SERPINB7: variants seen among roughly 807,000 people sequenced by gnomAD.
SERPINB7 encodes serpin family B member 7.
In SERPINB7, 31 loss-of-function variants were observed where a neutral mutation model predicts 37.4. That is an observed-to-expected ratio of 0.83 (90% CI 0.62 to 1.12). The LOEUF is 1.12. Ranked by LOEUF, SERPINB7 falls within the 50% of genes most tolerant of loss-of-function variation. The pLI is 0.00. For synonymous variants in SERPINB7, 163 were observed against 166.1 expected, an observed-to-expected ratio of 0.98 and a Z score of 0.14; for missense variants, 521 against 455.3, an observed-to-expected ratio of 1.14 and a Z score of -1.31.
rs1401994868 is a variant in SERPINB7, at chr18:63,804,534, C to T, written c.1042C>T (p.Gln348Ter). The stretch of plus-strand genomic sequence containing the variant: ...CACAGGAAGTAATATTGTAGAAAAG[C>T]AACTCCCTCAGTCCACGCTGTTTAG... ...AATGSNIVEK[Q>*]LPQSTLFRAD... The change falls in exon 8 of 8, where the codon CAA (glutamine) becomes TAA (stop). Residue 348 changes from glutamine to a stop codon, truncating the protein, a stop_gained. Transcript: ENST00000398019. LOFTEE classifies it high-confidence loss of function. The T allele has an allele frequency of 4.3e-6, 7 of 1,613,670 alleles. No homozygotes were observed. Among genetic ancestry groups the T allele is most frequent in the Non-Finnish European group, 5.9e-6 (7 of 1,179,874 alleles).
intron 1 of SERPINB7, among the ~76,000 whole-genome samples, chr18:63,778,456 A>G (rs1012605315): frequency 9.9e-5 from 15 of 152,240 alleles, no homozygotes; most frequent in South Asian, 8.3e-4. Flanking sequence ...TTTTTAAAAA[A>G]TAATGTGTCA....
At position 63,756,092 on chromosome 18, in the gene SERPINB7, T is replaced by TAC. The variant is rs5825530; in HGVS notation, c.-19+2997_-19+2998dup. Reference sequence around the variant, plus strand: ...TAATATAAATATTATATATAGGGTTTACACACACACACACACACACACACA... The same window carrying TAC: ...TAATATAAATATTATATATAGGGTTTACACACACACACACACACACACACACA... On this transcript the variant is annotated intron_variant, in intron 1 of 7. Coordinates refer to the SERPINB7 transcript ENST00000336429. 6.4e-3 allele frequency among the ~76,000 whole-genome samples: 946 copies of TAC among 148,792 alleles called. 7 individuals are homozygous for TAC. Among genetic ancestry groups the TAC allele is most frequent in the South Asian group, 0.014 (63 of 4,640 alleles).
chr18:63,769,742 A>G (rs1200759002), intron 1 of SERPINB7, among the ~76,000 whole-genome samples: 1 of 152,120 alleles, frequency 6.6e-6, no homozygotes, highest in East Asian at 1.9e-4. Flanking sequence ...AATTTAGTCA[A>G]CAAAGCTTTT....
Position 63,805,276 on chromosome 18 carries a change from A to T in SERPINB7, c.*641A>T, listed in dbSNP as rs1244448008. ...TTTTTTCAAATATTAAAGATCTTTT[A>T]ACTGTTGGCAGTTGTTATCTACAGA... is the stretch of plus-strand genomic sequence containing the variant. On this transcript the variant is annotated 3_prime_UTR_variant, in exon 8 of 8. Transcript: ENST00000398019. 1 of 152,320 alleles carries T rather than the reference A, an allele frequency of 6.6e-6. No homozygotes were observed. Among genetic ancestry groups the T allele is most frequent in the African/African-American group, 2.4e-5 (1 of 41,448 alleles). 9.4% of individuals were successfully genotyped at this position (152,320 alleles called of 1,614,324 possible).
intron 2 of SERPINB7, among the ~76,000 whole-genome samples, chr18:63,791,368 C>A (rs930755716): frequency 2.0e-5 from 3 of 151,966 alleles, no homozygotes; most frequent in African/African-American, 7.2e-5. Flanking sequence ...TGCTTTTTTG[C>A]ATAAAATGAC....
chr18:63,802,777 A>G (rs1271104360), intron 7 of SERPINB7, among the ~76,000 whole-genome samples: 2 of 152,222 alleles, frequency 1.3e-5, no homozygotes, highest in African/African-American at 2.4e-5. Context: ...TGATTTAAAA[A>G]CATGACTTTA....
chr18:63,802,259 G>A (rs770907937), intron 7 of SERPINB7, among the ~76,000 whole-genome samples: 6 of 152,258 alleles, frequency 3.9e-5, no homozygotes, highest in East Asian at 1.9e-4. Context: ...ATGGGGAGAC[G>A]GTGGGGGCCG....
intron 7 of SERPINB7, among the ~76,000 whole-genome samples, chr18:63,802,591 G>T (rs1034963998): frequency 2.6e-5 from 4 of 152,128 alleles, no homozygotes; most frequent in Non-Finnish European, 4.4e-5. Flanking sequence ...ATGCATATTT[G>T]TGTGTATGTA....
At chr18:63,794,110 ATTTTTTT>A (rs34450022) in intron 4 of SERPINB7, among the ~76,000 whole-genome samples, 2,590 of 105,594 alleles carry the variant, frequency 0.025, 45 homozygotes, top group Non-Finnish European at 0.027. Context: ...CATCCTGCTA[ATTTTTTT>A]TTTTTTTTTT....
intron 1 of SERPINB7, among the ~76,000 whole-genome samples, chr18:63,757,077 T>G (rs760209049): frequency 1.3e-5 from 2 of 152,170 alleles, no homozygotes; most frequent in Non-Finnish European, 2.9e-5. Flanking sequence ...TTGTTTGTTT[T>G]TTTTCTTGTA....
intron 1 of SERPINB7, among the ~76,000 whole-genome samples, chr18:63,762,116 A>C (rs2049157585): frequency 6.6e-6 from 1 of 152,180 alleles, no homozygotes; most frequent in African/African-American, 2.4e-5. Flanking sequence ...CTGTGGGACC[A>C]TGGAGGGCAA....
intron 1 of SERPINB7, among the ~76,000 whole-genome samples, chr18:63,767,029 C>T (rs1369096708): frequency 1.3e-5 from 2 of 152,154 alleles, no homozygotes; most frequent in Non-Finnish European, 2.9e-5. Flanking sequence ...CATCTCTGTT[C>T]ACAGCATGGT....
intron 1 of SERPINB7, among the ~76,000 whole-genome samples, chr18:63,765,688 C>G (rs2049177026): frequency 6.6e-6 from 1 of 152,052 alleles, no homozygotes; most frequent in South Asian, 2.1e-4. Flanking sequence ...TACTGCAGCT[C>G]CATTCTTATA....
Position 63,793,227 on chromosome 18 carries a change from C to A in SERPINB7, c.286C>A (p.Leu96Ile), listed in dbSNP as rs776849161. ...DINASHKDYD[L>I]SIVNGLFAEK... The stretch of plus-strand genomic sequence containing the variant: ...AAATGCATCCCACAAGGATTATGAT[C>A]TCAGCATTGTGAATGGGCTTTTTGC... Residue 96 changes from leucine to isoleucine, a missense_variant, in exon 4 of 8, where the codon CTC becomes ATC. Transcript: ENST00000398019. The A allele has an allele frequency of 2.5e-6, 4 of 1,609,468 alleles. No individual in the cohort carries two copies. The African/African-American group carries it at 4.0e-5, about 16-fold the overall frequency.
At chr18:63,758,543 C>G (rs2049134540) in intron 1 of SERPINB7, among the ~76,000 whole-genome samples, 1 of 152,156 alleles carries the variant, frequency 6.6e-6, no homozygotes, top group Non-Finnish European at 1.5e-5. Context: ...CAGCTGGTCT[C>G]AAATCCTCTG....
chr18:63,765,211 C>T (rs781061288), intron 1 of SERPINB7, among the ~76,000 whole-genome samples: 13 of 152,138 alleles, frequency 8.5e-5, no homozygotes, highest in Non-Finnish European at 1.8e-4. Context: ...AAAAATGTTA[C>T]AAACTCTTGT....
At chr18:63,787,705 G>T (rs954243999) in intron 2 of SERPINB7, among the ~76,000 whole-genome samples, 1 of 152,180 alleles carries the variant, frequency 6.6e-6, no homozygotes, top group Admixed American at 6.5e-5. Context: ...GCAGGGAGTT[G>T]TTAAAAAGTT....
intron 4 of SERPINB7, 31 bp downstream of exon 4, chr18:63,793,308 T>C (rs751531824): frequency 1.3e-5 from 15 of 1,132,086 alleles, no homozygotes; most frequent in Non-Finnish European, 1.6e-5. Flanking sequence ...TAGAAGGACC[T>C]GAATCTTGTT....
intron 2 of SERPINB7, among the ~76,000 whole-genome samples, chr18:63,791,315 A>T (rs2049424869): frequency 6.6e-6 from 1 of 152,214 alleles, no homozygotes; most frequent in Non-Finnish European, 1.5e-5. Flanking sequence ...TTTTTTAAAA[A>T]TGGTGATGAC....
Sources: allele counts gnomAD v4.1 joint callset (sites outside exome capture counted in the v4.1 genomes callset), GRCh38; gene constraint gnomAD v4.1.1; transcripts MANE v1.5; gene names NCBI Gene and HGNC (gene_info 2026-07-23, HGNC 2026-07-21).